Variants in PKHD1 observed in about 807,000 individuals in gnomAD.
PKHD1 encodes PKHD1 ciliary IPT domain containing fibrocystin/polyductin, also known as fibrocystin.
In PKHD1, 291 loss-of-function variants were observed where a neutral mutation model predicts 412.0. The observed-to-expected ratio is 0.71, with a 90% CI of 0.64 to 0.78. The LOEUF (loss-of-function observed/expected upper bound fraction) is 0.78, where lower values mean the gene tolerates loss of function less well. PKHD1 is among the 30% of genes least tolerant of loss of function. The probability of loss-of-function intolerance (pLI) is 0.00; values close to 1 mark genes in which losing one functional copy is unlikely to be tolerated. For missense variants in PKHD1, 4,825 were observed against 4,950.7 expected, an observed-to-expected ratio of 0.97 and a Z score of 0.76; for synonymous variants, 1,777 against 1,821.5, an observed-to-expected ratio of 0.98 and a Z score of 0.62.
At chr6:51,779,065 C>A (rs1179765410) in intron 53 of PKHD1, among the ~76,000 whole-genome samples, 1 of 152,132 alleles carries the variant, frequency 6.6e-6, no homozygotes, top group Admixed American at 6.6e-5. Flanking sequence ...CTTCAAGAAA[C>A]TTGTCCTCAA....
chr6:51,908,226 G>A (rs1342672315), intron 40 of PKHD1, among the ~76,000 whole-genome samples: 2 of 152,066 alleles, frequency 1.3e-5, no homozygotes, highest in Non-Finnish European at 2.9e-5. Flanking sequence ...AGAAATAGAC[G>A]TCCTTAGCAT....
chr6:51,623,175 T>C (rs1272282388), intron 66 of PKHD1, among the ~76,000 whole-genome samples: 1 of 152,206 alleles, frequency 6.6e-6, no homozygotes, highest in African/African-American at 2.4e-5. Context: ...TTGCAAAGAA[T>C]GATTGGAATT....
At chr6:51,888,368 A>T (rs919001284) in intron 43 of PKHD1, among the ~76,000 whole-genome samples, 2 of 152,238 alleles carry the variant, frequency 1.3e-5, no homozygotes, top group African/African-American at 4.8e-5. Flanking sequence ...AATTCAATGA[A>T]GTACCTACAA....
intron 11 of PKHD1, among the ~76,000 whole-genome samples, chr6:52,066,508 C>G (rs1470046848): frequency 6.6e-6 from 1 of 152,118 alleles, no homozygotes; most frequent in African/African-American, 2.4e-5. Flanking sequence ...ATGAATTTCA[C>G]TGTCTTTAGG....
intron 33 of PKHD1, among the ~76,000 whole-genome samples, chr6:52,019,093 A>G (rs1581772848): frequency 1.3e-5 from 2 of 152,344 alleles, no homozygotes; most frequent in East Asian, 3.9e-4. Flanking sequence ...TTTAACTAGA[A>G]GATGAACAAA....
chr6:51,982,885 TAAAATAA>T (rs1487269897), intron 35 of PKHD1, among the ~76,000 whole-genome samples: 25 of 64,550 alleles, frequency 3.9e-4, no homozygotes, highest in East Asian at 2.5e-3. Context: ...TAAAATAAAA[TAAAATAA>T]AAAAAAGAGA....
chr6:51,673,717 T>C (rs1775384630), intron 60 of PKHD1, among the ~76,000 whole-genome samples: 1 of 152,068 alleles, frequency 6.6e-6, no homozygotes, highest in Admixed American at 6.6e-5. Context: ...GGGCAGGGGT[T>C]TTATTAAGGG....
intron 33 of PKHD1, among the ~76,000 whole-genome samples, chr6:52,018,317 A>G (rs1351325127): frequency 6.6e-6 from 1 of 152,204 alleles, no homozygotes; most frequent in African/African-American, 2.4e-5. Flanking sequence ...TCAGCTTTAC[A>G]AGATAGTGCC....
chr6:51,758,147 T>C lies in PKHD1; in HGVS notation c.8643-3209A>G, dbSNP rs1787384012. On this transcript the variant is annotated intron_variant, in intron 55 of 66. Coordinates refer to ENST00000371117, the MANE Select transcript of PKHD1 (RefSeq NM_138694.4). ...TAAAATTATTAGTTCAAACTTTATA[T>C]TAAAAACATAAATAAACTTAATCTG... Among the ~76,000 whole-genome samples the C allele has an allele frequency of 2.6e-5, 4 of 152,138 alleles. No homozygotes were observed. The South Asian group carries it at 8.3e-4, about 31-fold the overall frequency.
At chr6:51,981,938 G>A (rs1447711843) in intron 35 of PKHD1, among the ~76,000 whole-genome samples, 2 of 78,024 alleles carry the variant, frequency 2.6e-5, no homozygotes, top group East Asian at 7.6e-4. Flanking sequence ...GCCGCCCATC[G>A]TCTGAGATGT....
intron 42 of PKHD1, 33 bp downstream of exon 42, chr6:51,903,950 CACT>C: frequency 1.5e-6 from 2 of 1,369,726 alleles, no homozygotes; most frequent in Non-Finnish European, 2.1e-6. Flanking sequence ...ATTTTAAATA[CACT>C]GTAATAGATT....
At chr6:51,810,049 C>T (rs1159292457) in intron 52 of PKHD1, among the ~76,000 whole-genome samples, 1 of 151,986 alleles carries the variant, frequency 6.6e-6, no homozygotes, top group Non-Finnish European at 1.5e-5. Flanking sequence ...ACCTTTCACA[C>T]TTAATTATAA....
At chr6:51,950,818 G>A (rs2894792) in intron 36 of PKHD1, among the ~76,000 whole-genome samples, 55,903 of 151,838 alleles carry the variant, frequency 0.37, 11,204 homozygotes, top group East Asian at 0.76. Context: ...CTAGTTTCCA[G>A]CTCCTCTGCT....
At chr6:51,870,478 T>C in intron 47 of PKHD1, 26 bp downstream of exon 47, 1 of 1,586,920 alleles carries the variant, frequency 6.3e-7, no homozygotes, top group South Asian at 1.1e-5. Flanking sequence ...TTATTTATCA[T>C]CTGTTCTGTC....
At chr6:52,073,122 G>A (rs1295034361) in intron 7 of PKHD1, among the ~76,000 whole-genome samples, 1 of 152,132 alleles carries the variant, frequency 6.6e-6, no homozygotes, top group Non-Finnish European at 1.5e-5. Flanking sequence ...GGGCTTTTGG[G>A]TTTACACATC....
intron 32 of PKHD1, among the ~76,000 whole-genome samples, chr6:52,023,304 T>C (rs547962892): frequency 3.0e-4 from 45 of 152,314 alleles, no homozygotes; most frequent in African/African-American, 7.9e-4. Context: ...TACCCAGGTA[T>C]AGAGTTTCTT....
intron 52 of PKHD1, among the ~76,000 whole-genome samples, chr6:51,820,415 T>C (rs1201338588): frequency 1.3e-5 from 2 of 152,182 alleles, no homozygotes; most frequent in Admixed American, 6.5e-5. Flanking sequence ...ACAAAATTTA[T>C]GGTAGCCCTT....
At chr6:51,767,741 A>C (rs1341694363) in intron 55 of PKHD1, among the ~76,000 whole-genome samples, 1 of 152,186 alleles carries the variant, frequency 6.6e-6, no homozygotes, top group Non-Finnish European at 1.5e-5. Flanking sequence ...GTTGGTTCCA[A>C]GTCTTTGCTA....
At chr6:51,742,629 T>C (rs998019922) in intron 60 of PKHD1, among the ~76,000 whole-genome samples, 1 of 152,180 alleles carries the variant, frequency 6.6e-6, no homozygotes, top group African/African-American at 2.4e-5. Context: ...GCTGGTTACT[T>C]ATAATCCATT....
Sources: gnomAD v4.1 joint callset for allele counts (sites outside exome capture counted in the v4.1 genomes callset) on GRCh38, gnomAD v4.1.1 for gene constraint, MANE v1.5 for transcripts, NCBI Gene and HGNC (gene_info 2026-07-23, HGNC 2026-07-21) for gene names.